PDGFRA: variants seen among roughly 807,000 people sequenced by gnomAD.
The protein encoded by PDGFRA is platelet derived growth factor receptor alpha.
Under a neutral mutation model 121.5 loss-of-function variants are expected in PDGFRA, and 25 were observed. The observed-to-expected ratio is 0.21, with a 90% CI of 0.15 to 0.29. PDGFRA has a LOEUF of 0.29. Ranked by LOEUF, PDGFRA falls within the 10% of genes least tolerant of loss-of-function variation. PDGFRA has a pLI of 1.00. For synonymous variants in PDGFRA, 463 were observed against 494.8 expected (o/e 0.94, Z 0.85); for missense variants, 1,008 against 1,345.1 (o/e 0.75, Z 3.92).
intron 1 of PDGFRA, among the ~76,000 whole-genome samples, chr4:54,255,536 T>C (rs796719612): frequency 3.5e-4 from 53 of 151,224 alleles, no homozygotes; most frequent in African/African-American, 1.3e-3. Context: ...GACAGAGTCT[T>C]GCTCTGTCAC....
chr4:54,270,289 AAG>A (rs1206077334), intron 7 of PDGFRA, among the ~76,000 whole-genome samples: 1 of 152,242 alleles, frequency 6.6e-6, no homozygotes, highest in Non-Finnish European at 1.5e-5. Context: ...TTTTTTAAAA[AAG>A]GTAAAAATCA....
intron 19 of PDGFRA, 80 bp from the exon 20 acceptor site, chr4:54,288,719 A>G (rs890541133): frequency 1.5e-5 from 13 of 855,490 alleles, no homozygotes; most frequent in South Asian, 2.6e-5. Flanking sequence ...AAGGTTTTCT[A>G]ACAGTGTTCT....
intron 1 of PDGFRA, among the ~76,000 whole-genome samples, chr4:54,254,611 G>A (rs773779436): frequency 2.0e-5 from 3 of 152,178 alleles, no homozygotes; most frequent in Admixed American, 6.5e-5. Context: ...AAAGAAATAC[G>A]GGATCTAAAT....
intron 1 of PDGFRA, among the ~76,000 whole-genome samples, chr4:54,255,386 CA>C (rs1722303331): frequency 6.6e-6 from 1 of 152,080 alleles, no homozygotes; most frequent in Non-Finnish European, 1.5e-5. Flanking sequence ...CACCTTAGAG[CA>C]AAATACATGA....
In PDGFRA at chr4:54,295,682, A is replaced by C; in HGVS notation, c.*410A>C. The C allele has an allele frequency of 3.3e-6, 1 of 305,710 alleles. No individual in the cohort carries two copies. Among genetic ancestry groups the C allele is most frequent in the Non-Finnish European group, 6.2e-6 (1 of 161,582 alleles). 18.9% of individuals were successfully genotyped at this position (305,710 alleles called of 1,614,324 possible). A position where few individuals can be genotyped will look rare whatever the true frequency, so the allele number is the denominator to read the frequency against. On this transcript the variant is annotated 3_prime_UTR_variant, in exon 23 of 23. Transcript: ENST00000257290. ...AGATTGTATTAACTATCTTCTTTGG[A>C]CTTCTGAAGAGACCACTCAATCCAT...
At chr4:54,253,315 C>A (rs1262041323) in intron 1 of PDGFRA, among the ~76,000 whole-genome samples, 1 of 152,222 alleles carries the variant, frequency 6.6e-6, no homozygotes, top group Non-Finnish European at 1.5e-5. Flanking sequence ...TGTCACAGGG[C>A]AAGCAACCAA....
At position 54,267,584 on chromosome 4, in the gene PDGFRA, A is replaced by G; in HGVS notation, c.964A>G (p.Ser322Gly). 1 of 1,614,198 alleles carries G rather than the reference A, an allele frequency of 6.2e-7. No homozygotes were observed. The highest frequency in any genetic ancestry group is 8.5e-7 in the Non-Finnish European group (1 of 1,180,034). The change falls in exon 7 of 23, where the codon AGC (serine) becomes GGC (glycine). Residue 322 changes from serine (S) to glycine (G), a missense_variant. Around this residue, in one of 5 missense-constraint regions of PDGFRA, gnomAD observed 575 missense variants for 701.8 expected, o/e 0.82. Coordinates refer to ENST00000257290, the MANE Select transcript of PDGFRA (RefSeq NM_006206.6). ...KGFIEIKPTF[S>G]QLEAVNLHEV... ...TTTCATTGAAATCAAACCCACCTTC[A>G]GCCAGTTGGAAGCTGTCAACCTGCA...
In PDGFRA at chr4:54,288,952, G is replaced by A. The variant is rs911582247; in HGVS notation, c.2774+54G>A. The A allele has an allele frequency of 3.7e-5, 57 of 1,520,964 alleles. No individual in the cohort carries two copies. The African/African-American group carries it at 7.5e-4, about 20-fold the overall frequency. 94.2% of individuals were successfully genotyped at this position (1,520,964 alleles called of 1,614,324 possible). A position where few individuals can be genotyped will look rare whatever the true frequency, so the allele number is the denominator to read the frequency against. On this transcript the variant is annotated intron_variant, in intron 20 of 22. Coordinates refer to ENST00000257290, the MANE Select transcript of PDGFRA (RefSeq NM_006206.6). Reference sequence around the variant, plus strand: ...GTGTTCACAGTCTGTGGGTCTAGGGGGAGGGAGGGGCCCTGAGACTTCCCC... The same window carrying A: ...GTGTTCACAGTCTGTGGGTCTAGGGAGAGGGAGGGGCCCTGAGACTTCCCC...
At chr4:54,275,317 T>G (rs559153366) in intron 12 of PDGFRA, among the ~76,000 whole-genome samples, 12 of 152,182 alleles carry the variant, frequency 7.9e-5, no homozygotes, top group African/African-American at 2.7e-4. Flanking sequence ...AGATGAGAAA[T>G]GAATGAGGAC....
In PDGFRA at chr4:54,267,306, A is replaced by G. The variant is rs899825708; in HGVS notation, c.777A>G (p.Thr259=). 1.2e-6 allele frequency: 2 copies of G among 1,614,146 alleles called. No individual in the cohort carries two copies. The highest frequency in any genetic ancestry group is 1.1e-5 in the South Asian group (1 of 91,072). ...TGCTGTAGAAAGGCAAAGGCATCAC[A>G]ATGCTGGAAGAAATCAAAGTCCCAT... ...YPGEVKGKGI[T]MLEEIKVPSI... Residue 259 remains threonine, a synonymous_variant, in exon 6 of 23, where the codon ACA becomes ACG. Coordinates refer to ENST00000257290, the MANE Select transcript of PDGFRA (RefSeq NM_006206.6).
chr4:54,293,602 TG>T (rs746831235), intron 22 of PDGFRA, among the ~76,000 whole-genome samples: 2 of 152,058 alleles, frequency 1.3e-5, no homozygotes, highest in Non-Finnish European at 2.9e-5. Context: ...AGCTAATTTT[TG>T]TATTTTTAGT....
chr4:54,272,335 A>T, intron 8 of PDGFRA, 59 bp from the exon 9 acceptor site: 1 of 1,586,776 alleles, frequency 6.3e-7, no homozygotes, highest in Non-Finnish European at 8.6e-7. Context: ...TCCACTTTGT[A>T]GTCTCATATG....
intron 1 of PDGFRA, among the ~76,000 whole-genome samples, chr4:54,236,890 A>G (rs1242877333): frequency 6.6e-6 from 1 of 152,194 alleles, no homozygotes; most frequent in East Asian, 1.9e-4. Flanking sequence ...GTTATCAGAG[A>G]TTGGGGTTTG....
At chr4:54,277,188 T>TG in intron 12 of PDGFRA, 200 bp from the exon 13 acceptor site, 1 of 626,484 alleles carries the variant, frequency 1.6e-6, no homozygotes, top group Non-Finnish European at 2.9e-6. Context: ...CAAGTGTTAT[T>TG]CGACAAAAGC....
At chr4:54,249,788 T>C (rs1324292915) in intron 1 of PDGFRA, among the ~76,000 whole-genome samples, 1 of 151,904 alleles carries the variant, frequency 6.6e-6, no homozygotes, top group Non-Finnish European at 1.5e-5. Context: ...AGTATAATAA[T>C]AATAAAATAA....
intron 4 of PDGFRA, 69 bp from the exon 5 acceptor site, chr4:54,264,850 A>C (rs1722943101): frequency 1.4e-6 from 2 of 1,447,692 alleles, no homozygotes; most frequent in African/African-American, 1.5e-5. Flanking sequence ...AAAAAAAAAA[A>C]ACCCAAACTT....
intron 5 of PDGFRA, among the ~76,000 whole-genome samples, chr4:54,266,421 T>TG (rs1723030474): frequency 6.6e-6 from 1 of 150,934 alleles, no homozygotes; most frequent in African/African-American, 2.4e-5. Flanking sequence ...CTTTTTTTTT[T>TG]TTGTTGTGGA....
At chr4:54,234,229 AT>A (rs1720879189) in intron 1 of PDGFRA, among the ~76,000 whole-genome samples, 1 of 151,218 alleles carries the variant, frequency 6.6e-6, no homozygotes, top group African/African-American at 2.4e-5. Flanking sequence ...TCCCGAGGAG[AT>A]TTAGCCATTT....
rs781561737 is a variant in PDGFRA, at chr4:54,290,417, CGAG to C, written c.2988_2990del (p.Glu997del). On this transcript the variant is annotated inframe_deletion, in exon 22 of 23. Transcript: ENST00000257290. ...CATACATTGGTGTCACCTACAAAAACGAGGAAGACAAGCTGAAGGACTGGGAGG... is the reference window on the plus strand; with the variant it reads ...CATACATTGGTGTCACCTACAAAAACGAAGACAAGCTGAAGGACTGGGAGG... 24 of 1,613,816 alleles carry C rather than the reference CGAG, an allele frequency of 1.5e-5. No homozygotes were observed. The highest frequency in any genetic ancestry group is 1.9e-5 in the Non-Finnish European group (23 of 1,179,796).
Sources: allele counts gnomAD v4.1 joint callset (sites outside exome capture counted in the v4.1 genomes callset), GRCh38; gene constraint gnomAD v4.1.1; regional missense constraint gnomAD v4.1.1; transcripts MANE v1.5; gene names NCBI Gene and HGNC (gene_info 2026-07-23, HGNC 2026-07-21).